The following ANO6 variants were observed in gnomAD, a reference collection of about 807,000 sequenced individuals.
The protein encoded by ANO6 is anoctamin-6.
In ANO6, 106 loss-of-function variants were observed where a neutral mutation model predicts 117.5. The ratio of observed to expected loss-of-function variants is 0.90; its 90% CI spans 0.77 to 1.06. The LOEUF (loss-of-function observed/expected upper bound fraction) is 1.06, where lower values mean the gene tolerates loss of function less well. ANO6 is among the 50% of genes least tolerant of loss of function. The pLI is 0.00. For missense variants in ANO6, 955 were observed against 1,121.1 expected (o/e 0.85, Z 2.12); for synonymous variants, 367 against 385.1 (o/e 0.95, Z 0.55).
downstream of ANO6, among the ~76,000 whole-genome samples, chr12:45,435,806 G>A (rs1943701021): frequency 6.6e-6 from 1 of 152,174 alleles, no homozygotes; most frequent in Non-Finnish European, 1.5e-5. Flanking sequence ...TATGGGAAAA[G>A]ACATAAGATT....
chr12:45,390,128 T>C (rs1420039564), intron 11 of ANO6, among the ~76,000 whole-genome samples: 4 of 152,196 alleles, frequency 2.6e-5, no homozygotes. Context: ...CCCAGAAGTA[T>C]AGCTTTGCAG....
chr12:45,229,251 T>G (rs538872520), intron 1 of ANO6, among the ~76,000 whole-genome samples: 1 of 152,272 alleles, frequency 6.6e-6, no homozygotes, highest in East Asian at 1.9e-4. Context: ...ACAGGCACCC[T>G]GCTGTATGTA....
At chr12:45,290,470 G>A (rs890825112) in intron 1 of ANO6, among the ~76,000 whole-genome samples, 1 of 152,110 alleles carries the variant, frequency 6.6e-6, no homozygotes, top group African/African-American at 2.4e-5. Flanking sequence ...ACAGGTCAGC[G>A]ACTAGAACCA....
intron 2 of ANO6, among the ~76,000 whole-genome samples, chr12:45,328,804 T>C (rs1219531075): frequency 6.6e-6 from 1 of 152,202 alleles, no homozygotes; most frequent in Non-Finnish European, 1.5e-5. Context: ...TTTTCTTGTC[T>C]TAAAAATTGT....
At chr12:45,428,348 C>T (rs1157202230) in intron 19 of ANO6, among the ~76,000 whole-genome samples, 4 of 152,156 alleles carry the variant, frequency 2.6e-5, no homozygotes, top group Non-Finnish European at 2.9e-5. Context: ...CGTGGTGGCT[C>T]ACACCTATAA....
chr12:45,295,803 C>T (rs112175632), intron 1 of ANO6, among the ~76,000 whole-genome samples: 7,932 of 151,984 alleles, frequency 0.052, 691 homozygotes, highest in African/African-American at 0.18. Flanking sequence ...TCAAGTGATC[C>T]GTCCACCTGG....
At chr12:45,303,495 G>A (rs1178520152) in intron 2 of ANO6, among the ~76,000 whole-genome samples, 1 of 152,144 alleles carries the variant, frequency 6.6e-6, no homozygotes, top group Non-Finnish European at 1.5e-5. Context: ...AGAACTGTGT[G>A]CAACAAGGTG....
intron 15 of ANO6, among the ~76,000 whole-genome samples, chr12:45,409,014 T>C (rs1276946365): frequency 6.6e-6 from 1 of 152,186 alleles, no homozygotes; most frequent in Non-Finnish European, 1.5e-5. Flanking sequence ...CTGTTGATTT[T>C]CATACTGGCA....
At position 45,224,899 on chromosome 12, in the gene ANO6, G is replaced by A. The variant is rs183089679; in HGVS notation, c.70+8508G>A. On this transcript the variant is annotated intron_variant, in intron 1 of 19. Coordinates refer to ENST00000320560, the MANE Select transcript of ANO6 (RefSeq NM_001025356.3). Reference sequence around the variant, plus strand: ...GAGATTATAAAGGATTAAGAATACCGGAAATAAAGGGCCGGACATGATGGG... The same window carrying A: ...GAGATTATAAAGGATTAAGAATACCAGAAATAAAGGGCCGGACATGATGGG... Among the ~76,000 whole-genome samples, 76 of 152,158 alleles carry A rather than the reference G, an allele frequency of 5.0e-4. 2 individuals carry two copies. Among genetic ancestry groups the A allele is most frequent in the Admixed American group, 4.6e-3 (70 of 15,266 alleles).
chr12:45,336,781 TATAAAAA>T (rs1413113690), intron 3 of ANO6, among the ~76,000 whole-genome samples: 1 of 151,988 alleles, frequency 6.6e-6, no homozygotes, highest in Non-Finnish European at 1.5e-5. Context: ...TATTCCTACT[TATAAAAA>T]ATAAATAAAA....
intron 1 of ANO6, among the ~76,000 whole-genome samples, chr12:45,245,084 C>T (rs1461908925): frequency 1.3e-5 from 2 of 152,154 alleles, no homozygotes; most frequent in Non-Finnish European, 2.9e-5. Flanking sequence ...AGGAAGAAAA[C>T]GTTCTGATAG....
At chr12:45,305,933 G>A (rs533534358) in intron 2 of ANO6, among the ~76,000 whole-genome samples, 4 of 152,214 alleles carry the variant, frequency 2.6e-5, no homozygotes, top group Middle Eastern at 3.4e-3. Flanking sequence ...GGAGGTGCAG[G>A]GGGAGCAGTA....
intron 15 of ANO6, among the ~76,000 whole-genome samples, chr12:45,408,419 C>A (rs1362106082): frequency 6.6e-6 from 1 of 151,996 alleles, no homozygotes; most frequent in Admixed American, 6.6e-5. Context: ...AGACAAATTG[C>A]CATAAAAAGG....
chr12:45,363,291 C>T (rs1043885650), intron 8 of ANO6, among the ~76,000 whole-genome samples: 8 of 152,020 alleles, frequency 5.3e-5, no homozygotes, highest in African/African-American at 9.7e-5. Context: ...GGGCTGAGTG[C>T]GGTGGCTCAC....
intron 6 of ANO6, among the ~76,000 whole-genome samples, chr12:45,349,824 C>T (rs913719726): frequency 2.6e-5 from 4 of 152,160 alleles, no homozygotes; most frequent in East Asian, 1.9e-4. Context: ...TAGCTAATTG[C>T]GAATAACAGG....
intron 19 of ANO6, among the ~76,000 whole-genome samples, chr12:45,427,964 A>G (rs926117361): frequency 7.5e-5 from 11 of 146,846 alleles, no homozygotes; most frequent in Admixed American, 6.1e-4. Context: ...AAAAGGTTTG[A>G]TGATACGAAG....
chr12:45,218,379 T>G (rs1456955138), intron 1 of ANO6, among the ~76,000 whole-genome samples: 1 of 149,884 alleles, frequency 6.7e-6, no homozygotes, highest in Non-Finnish European at 1.5e-5. Flanking sequence ...GATTTCTGTT[T>G]CTTTCTTTCT....
At chr12:45,281,327 T>A (rs993146275) in intron 1 of ANO6, among the ~76,000 whole-genome samples, 5 of 152,194 alleles carry the variant, frequency 3.3e-5, no homozygotes, top group African/African-American at 1.2e-4. Context: ...TCTTATTTTT[T>A]CCCATGTTAT....
rs1332159353 is a variant in ANO6, at chr12:45,359,146, C to A, written c.998+1722C>A. 2.0e-5 allele frequency among the ~76,000 whole-genome samples: 3 copies of A among 152,116 alleles called. No individual in the cohort carries two copies. The South Asian group carries it at 6.2e-4, about 32-fold the overall frequency. ...CATTATTTATATACCATAAAATGAC[C>A]TTTTTTAAAGTGCACAATTTAGGTG... On this transcript the variant is annotated intron_variant, in intron 8 of 19. Transcript: ENST00000320560.
Sources: gnomAD v4.1 joint callset for allele counts (sites outside exome capture counted in the v4.1 genomes callset) on GRCh38, gnomAD v4.1.1 for gene constraint, MANE v1.5 for transcripts, NCBI Gene and HGNC (gene_info 2026-07-23, HGNC 2026-07-21) for gene names.